IGF2BP3: variants seen among roughly 807,000 people sequenced by gnomAD.
IGF2BP3 encodes the protein insulin-like growth factor 2 mRNA-binding protein 3.
Under a neutral mutation model 73.8 loss-of-function variants are expected in IGF2BP3, and 9 were observed. The ratio of observed to expected loss-of-function variants is 0.12; its 90% confidence interval spans 0.07 to 0.21. The LOEUF (loss-of-function observed/expected upper bound fraction) is 0.21. Among genes scored for constraint, IGF2BP3 ranks in the 10% least tolerant of loss-of-function variants. IGF2BP3 has a pLI of 1.00. For synonymous variants in IGF2BP3, 258 were observed against 256.7 expected (o/e 1.01, Z -0.05); for missense variants, 542 against 714.0 (o/e 0.76, Z 2.75).
At position 23,318,395 on chromosome 7, in the gene IGF2BP3, C is replaced by CT. The variant is rs111828897; in HGVS notation, c.1321-683dup. 7.3e-4 allele frequency among the ~76,000 whole-genome samples: 108 copies of CT among 148,792 alleles called. 1 individual carries two copies. Among genetic ancestry groups the CT allele is most frequent in the Middle Eastern group, 7.0e-3 (2 of 286 alleles). On this transcript the variant is annotated intron_variant, in intron 11 of 14. Coordinates refer to ENST00000258729, the MANE Select transcript of IGF2BP3 (RefSeq NM_006547.3). Reference sequence around the variant, plus strand: ...GTGCCACCATGCCTGGCTAATTACACTTTTTTTTTTGTAGAGATGGGGTCT... The same window carrying CT: ...GTGCCACCATGCCTGGCTAATTACACTTTTTTTTTTTGTAGAGATGGGGTCT...
intron 3 of IGF2BP3, among the ~76,000 whole-genome samples, chr7:23,384,283 T>G: frequency 2.0e-5 from 3 of 150,032 alleles, no homozygotes; most frequent in African/African-American, 4.9e-5. Context: ...CTAAGTGGGG[T>G]GGGGTGATAG....
chr7:23,358,396 A>C (rs1003012496), intron 5 of IGF2BP3, among the ~76,000 whole-genome samples: 1 of 152,120 alleles, frequency 6.6e-6, no homozygotes, highest in Non-Finnish European at 1.5e-5. Context: ...AGAAACATGG[A>C]GAAATGACAC....
chr7:23,347,031 C>T (rs1784845610), intron 7 of IGF2BP3, among the ~76,000 whole-genome samples: 1 of 152,208 alleles, frequency 6.6e-6, no homozygotes, highest in African/African-American at 2.4e-5. Context: ...GAGGTCCCCA[C>T]ACTAACTCCA....
intron 10 of IGF2BP3, among the ~76,000 whole-genome samples, chr7:23,336,834 G>A (rs901822085): frequency 1.3e-5 from 2 of 152,092 alleles, no homozygotes; most frequent in African/African-American, 4.8e-5. Flanking sequence ...TGTAATCCCA[G>A]CTACTCGGGA....
At chr7:23,444,651 G>A (rs765364175) in intron 2 of IGF2BP3, among the ~76,000 whole-genome samples, 15 of 129,838 alleles carry the variant, frequency 1.2e-4, no homozygotes, top group East Asian at 4.0e-4. Context: ...GCTGAGGCAC[G>A]AGAATCGCTT....
chr7:23,430,069 C>T (rs187430277), intron 2 of IGF2BP3, among the ~76,000 whole-genome samples: 5 of 151,054 alleles, frequency 3.3e-5, no homozygotes, highest in Admixed American at 2.0e-4. Flanking sequence ...TAACTTGTAA[C>T]ATGTTCTTCT....
chr7:23,415,232 A>C (rs1436261793), intron 3 of IGF2BP3: 1 of 234,556 alleles, frequency 4.3e-6, no homozygotes, highest in Non-Finnish European at 8.5e-6. Flanking sequence ...GCATCAACGC[A>C]TCACCAGGTC....
intron 13 of IGF2BP3, 82 bp from the exon 14 acceptor site, chr7:23,312,930 A>C (rs1328203366): frequency 1.3e-6 from 1 of 778,848 alleles, no homozygotes; most frequent in Non-Finnish European, 2.1e-6. Flanking sequence ...CCAGACAGTG[A>C]GCTATGTATG....
intron 3 of IGF2BP3, among the ~76,000 whole-genome samples, chr7:23,363,435 G>T (rs1398170099): frequency 6.6e-6 from 1 of 151,000 alleles, no homozygotes; most frequent in Non-Finnish European, 1.5e-5. Context: ...TCGTAGAGAT[G>T]AGGGTCTCGG....
chr7:23,455,215 C>T (rs373924894), intron 2 of IGF2BP3, among the ~76,000 whole-genome samples: 1 of 152,210 alleles, frequency 6.6e-6, no homozygotes, highest in East Asian at 1.9e-4. Flanking sequence ...AATGCAGTCA[C>T]TCCATCACGC....
At chr7:23,466,030 T>TG (rs1462516105) in intron 2 of IGF2BP3, among the ~76,000 whole-genome samples, 1 of 151,862 alleles carries the variant, frequency 6.6e-6, no homozygotes, top group Non-Finnish European at 1.5e-5. Flanking sequence ...AAAGGTTTTT[T>TG]TTTTTTTTTG....
intron 10 of IGF2BP3, among the ~76,000 whole-genome samples, chr7:23,327,563 G>C (rs1223704880): frequency 6.6e-6 from 1 of 152,104 alleles, no homozygotes; most frequent in Non-Finnish European, 1.5e-5. Context: ...TTACAGGCGT[G>C]AGCCACCGCA....
In IGF2BP3 at chr7:23,343,844, T is replaced by C; in HGVS notation, c.951A>G (p.Glu317=). Residue 317 remains glutamate, a synonymous_variant, in exon 9 of 15, where the codon GAA becomes GAG. Coordinates refer to ENST00000258729, the MANE Select transcript of IGF2BP3 (RefSeq NM_006547.3). ...DTKITISPLQ[E]LTLYNPERTI... is the part of the protein sequence containing the mutation. ...TGCGTTCTGGATTATACAGCGTCAA[T>C]TCCTGCAATCTGCAGAATGAAAAAG... 6.2e-7 allele frequency: 1 copy of C among 1,611,378 alleles called. No homozygotes were observed. Among genetic ancestry groups the C allele is most frequent in the Non-Finnish European group, 8.5e-7 (1 of 1,179,434 alleles).
chr7:23,370,237 T>C (rs570131109), intron 3 of IGF2BP3, among the ~76,000 whole-genome samples: 22 of 152,358 alleles, frequency 1.4e-4, no homozygotes, highest in African/African-American at 5.3e-4. Flanking sequence ...TTCCTGATCT[T>C]TATTTTCCCA....
chr7:23,320,117 G>T (rs1398663520), intron 10 of IGF2BP3, among the ~76,000 whole-genome samples: 1 of 148,276 alleles, frequency 6.7e-6, no homozygotes, highest in Non-Finnish European at 1.5e-5. Flanking sequence ...TCACCATGTT[G>T]GCCAGGCTGG....
intron 10 of IGF2BP3, among the ~76,000 whole-genome samples, chr7:23,338,399 T>TA (rs1379264892): frequency 6.6e-6 from 1 of 152,206 alleles, no homozygotes; most frequent in Non-Finnish European, 1.5e-5. Flanking sequence ...TGTGTGCCTG[T>TA]AGTCCCAGCT....
rs564943665 is a variant in IGF2BP3, at chr7:23,455,116, T to C, written c.236+13366A>G. 2.0e-5 allele frequency among the ~76,000 whole-genome samples: 3 copies of C among 152,290 alleles called. No homozygotes were observed. The East Asian group carries it at 5.8e-4, about 29-fold the overall frequency. ...TTTCCAAAATTAACCTAGGCATCAGTCTTCCATGATAATCCCAAATCAGCA... is the reference window on the plus strand; with the variant it reads ...TTTCCAAAATTAACCTAGGCATCAGCCTTCCATGATAATCCCAAATCAGCA... On this transcript the variant is annotated intron_variant, in intron 2 of 14. Coordinates refer to ENST00000258729, the MANE Select transcript of IGF2BP3 (RefSeq NM_006547.3).
chr7:23,448,635 T>C (rs111502382), intron 2 of IGF2BP3, among the ~76,000 whole-genome samples: 1 of 151,326 alleles, frequency 6.6e-6, no homozygotes, highest in African/African-American at 2.4e-5. Context: ...GTTTGTTTGT[T>C]TGTTTGTTTT....
chr7:23,467,362 A>C (rs1460130434), intron 2 of IGF2BP3, among the ~76,000 whole-genome samples: 1 of 152,188 alleles, frequency 6.6e-6, no homozygotes, highest in Non-Finnish European at 1.5e-5. Context: ...ACACTCTCTC[A>C]CCAATATCTA....
Sources: allele counts gnomAD v4.1 joint callset (sites outside exome capture counted in the v4.1 genomes callset), GRCh38; gene constraint gnomAD v4.1.1; transcripts MANE v1.5; gene names NCBI Gene and HGNC (gene_info 2026-07-23, HGNC 2026-07-21).